Variants in KLHL1 observed in about 807,000 individuals in gnomAD.
KLHL1 encodes the protein kelch-like protein 1.
Under a neutral mutation model 77.7 loss-of-function variants are expected in KLHL1, and 47 were observed. The observed-to-expected ratio is 0.60, with a 90% confidence interval of 0.48 to 0.77. The LOEUF is 0.77. Among genes scored for constraint, KLHL1 ranks in the 30% least tolerant of loss-of-function variants. KLHL1 has a pLI of 0.00. For synonymous variants in KLHL1, 360 were observed against 325.2 expected, an observed-to-expected ratio of 1.11 and a Z score of -1.15; for missense variants, 925 against 910.8, an observed-to-expected ratio of 1.02 and a Z score of -0.20.
chr13:69,987,210 G>A lies in KLHL1; in HGVS notation c.498-11408C>T, dbSNP rs79439783. On this transcript the variant is annotated intron_variant, in intron 1 of 10. Coordinates refer to ENST00000377844, the MANE Select transcript of KLHL1 (RefSeq NM_020866.3). ...CACTAAAAATACTAATTAAACCGAT[G>A]GTATTATTTCTGTTTTTCAAATAAA... 6.3e-3 allele frequency among the ~76,000 whole-genome samples: 961 copies of A among 151,844 alleles called. 9 individuals are homozygous for A. Among genetic ancestry groups the A allele is most frequent in the African/African-American group, 0.022 (901 of 41,442 alleles).
intron 3 of KLHL1, among the ~76,000 whole-genome samples, chr13:69,956,421 C>T (rs1322718307): frequency 6.6e-6 from 1 of 151,036 alleles, no homozygotes; most frequent in East Asian, 1.9e-4. Context: ...TGTGAGGCAC[C>T]ATTGACACCT....
chr13:69,988,860 T>A (rs562679641), intron 1 of KLHL1, among the ~76,000 whole-genome samples: 1 of 152,070 alleles, frequency 6.6e-6, no homozygotes, highest in African/African-American at 2.4e-5. Flanking sequence ...TATTAGAGCT[T>A]TTGTCCTTTT....
At chr13:70,076,910 ATAC>A (rs202007385) in intron 1 of KLHL1, among the ~76,000 whole-genome samples, 2,177 of 152,020 alleles carry the variant, frequency 0.014, 29 homozygotes, top group Non-Finnish European at 0.021. Context: ...CTGTAAATTA[ATAC>A]TACAATGATA....
intron 1 of KLHL1, among the ~76,000 whole-genome samples, chr13:70,102,177 G>A (rs1198223878): frequency 6.6e-6 from 1 of 152,094 alleles, no homozygotes; most frequent in East Asian, 1.9e-4. Flanking sequence ...CCTGGTACAT[G>A]TCCCACTAAT....
At chr13:70,065,890 A>G (rs1469277910) in intron 1 of KLHL1, among the ~76,000 whole-genome samples, 4 of 152,170 alleles carry the variant, frequency 2.6e-5, no homozygotes, top group African/African-American at 9.6e-5. Context: ...AGATGAAAAA[A>G]AAAAACTATT....
At chr13:70,075,617 C>CAT (rs540316161) in intron 1 of KLHL1, among the ~76,000 whole-genome samples, 87,703 of 122,490 alleles carry the variant, frequency 0.72, 30,486 homozygotes, top group East Asian at 0.9. Flanking sequence ...ATAGGACTTA[C>CAT]ATATATATAT....
chr13:70,008,687 C>T (rs1441571), intron 1 of KLHL1, among the ~76,000 whole-genome samples: 15,217 of 152,026 alleles, frequency 0.1, 825 homozygotes, highest in African/African-American at 0.11. Flanking sequence ...CACTCAAATG[C>T]TGAAAACAAT....
chr13:70,041,777 T>C (rs1320163732), intron 1 of KLHL1, among the ~76,000 whole-genome samples: 1 of 151,976 alleles, frequency 6.6e-6, no homozygotes, highest in Non-Finnish European at 1.5e-5. Context: ...TCTCCACTGA[T>C]TGATGGGGAG....
At chr13:70,022,295 GTGTGTGTGTA>G (rs1566506673) in intron 1 of KLHL1, among the ~76,000 whole-genome samples, 15 of 91,302 alleles carry the variant, frequency 1.6e-4, no homozygotes, top group African/African-American at 8.5e-4. Flanking sequence ...GTGTGTGTGT[GTGTGTGTGTA>G]TGTGTTTGGT....
intron 1 of KLHL1, among the ~76,000 whole-genome samples, chr13:70,015,529 G>A (rs1221499832): frequency 6.6e-6 from 1 of 152,126 alleles, no homozygotes; most frequent in Non-Finnish European, 1.5e-5. Flanking sequence ...CAAAAGCAAT[G>A]CATATTTAGC....
At chr13:70,003,836 G>A (rs548778573) in intron 1 of KLHL1, among the ~76,000 whole-genome samples, 6 of 151,686 alleles carry the variant, frequency 4.0e-5, no homozygotes, top group Admixed American at 6.6e-5. Flanking sequence ...TAGACAGGGC[G>A]ATATATTACG....
At chr13:69,980,567 A>G (rs767837246) in intron 1 of KLHL1, among the ~76,000 whole-genome samples, 1 of 152,160 alleles carries the variant, frequency 6.6e-6, no homozygotes, top group Non-Finnish European at 1.5e-5. Context: ...ATTTTTCTGT[A>G]CCTGGAACCT....
chr13:69,877,192 CA>C (rs1160358557), intron 5 of KLHL1, among the ~76,000 whole-genome samples: 1 of 152,080 alleles, frequency 6.6e-6, no homozygotes, highest in East Asian at 1.9e-4. Flanking sequence ...GATTTTTAAA[CA>C]ACATACTTTT....
intron 7 of KLHL1, among the ~76,000 whole-genome samples, chr13:69,795,370 G>T (rs550638030): frequency 6.6e-6 from 1 of 152,204 alleles, no homozygotes; most frequent in South Asian, 2.1e-4. Context: ...TATTAATTTT[G>T]CTTACCTGTG....
At chr13:69,725,872 A>G (rs1873273814) in intron 8 of KLHL1, among the ~76,000 whole-genome samples, 2 of 152,136 alleles carry the variant, frequency 1.3e-5, no homozygotes, top group South Asian at 4.1e-4. Context: ...CTAGTGCCAT[A>G]GCACTAGATC....
chr13:70,025,838 T>A (rs969326150), intron 1 of KLHL1, among the ~76,000 whole-genome samples: 3 of 152,088 alleles, frequency 2.0e-5, no homozygotes, highest in African/African-American at 7.2e-5. Flanking sequence ...CCTCTGATCA[T>A]CTTTATGCCT....
chr13:69,713,388 A>T (rs7339316), intron 9 of KLHL1, among the ~76,000 whole-genome samples: 51,761 of 151,978 alleles, frequency 0.34, 9,000 homozygotes, highest in Non-Finnish European at 0.37. Context: ...ATCACAAAAC[A>T]TTTCAATATT....
chr13:70,089,126 G>C (rs554765264), intron 1 of KLHL1, among the ~76,000 whole-genome samples: 1 of 152,094 alleles, frequency 6.6e-6, no homozygotes, highest in Non-Finnish European at 1.5e-5. Context: ...AAGAATGGGT[G>C]GGGGGTGGAA....
intron 4 of KLHL1, among the ~76,000 whole-genome samples, chr13:69,888,966 G>T (rs532436719): frequency 2.0e-5 from 3 of 151,852 alleles, no homozygotes; most frequent in East Asian, 3.9e-4. Context: ...CCTTATGGAG[G>T]ATAGCAAATA....
Sources: allele counts gnomAD v4.1 joint callset (sites outside exome capture counted in the v4.1 genomes callset), GRCh38; gene constraint gnomAD v4.1.1; transcripts MANE v1.5; gene names NCBI Gene and HGNC (gene_info 2026-07-23, HGNC 2026-07-21).